Variants in ZNF726 observed in about 807,000 individuals in gnomAD.
ZNF726 encodes the protein zinc finger protein 726, also known as zinc finger protein 92 pseudogene 3.
ZNF726 carries 15 observed loss-of-function variants against 11.6 expected under a neutral mutation model. That is an observed-to-expected ratio of 1.29 (90% CI 0.86 to 1.99). ZNF726 has a LOEUF of 1.99. Among genes scored for constraint, ZNF726 ranks in the 30% most tolerant of loss-of-function variants. ZNF726 has a pLI of 0.00. For missense variants in ZNF726, 890 were observed against 725.6 expected (o/e 1.23, Z -2.60); for synonymous variants, 295 against 243.6 (o/e 1.21, Z -1.96).
At chr19:23,930,205 ATAT>A (rs1288278947) in intron 3 of ZNF726, among the ~76,000 whole-genome samples, 1 of 152,324 alleles carries the variant, frequency 6.6e-6, no homozygotes, top group Admixed American at 6.5e-5. Flanking sequence ...TTTAAATCAA[ATAT>A]TATTGGTTAG....
chr19:23,934,195 A>C lies in ZNF726; in HGVS notation c.*228A>C. The C allele has an allele frequency of 1.3e-6, 1 of 790,614 alleles. No individual in the cohort carries two copies. The highest frequency in any genetic ancestry group is 1.4e-5 in the South Asian group (1 of 70,896). 49.0% of individuals were successfully genotyped at this position (790,614 alleles called of 1,614,324 possible). The stretch of plus-strand genomic sequence containing the variant: ...TCATTCTCAAATCTTACTACACATA[A>C]GATAATTCATACTGGAAATAAACCC... On this transcript the variant is annotated 3_prime_UTR_variant, in exon 4 of 4. Transcript: ENST00000594466.
intron 1 of ZNF726, among the ~76,000 whole-genome samples, chr19:23,917,320 G>A (rs1365448550): frequency 6.6e-6 from 1 of 152,082 alleles, no homozygotes; most frequent in African/African-American, 2.4e-5. Context: ...TATTTACAAA[G>A]GCCATAAAAG....
chr19:23,928,932 G>C (rs1368279977), intron 3 of ZNF726: 1 of 151,974 alleles, frequency 6.6e-6, no homozygotes, highest in Non-Finnish European at 1.5e-5. Flanking sequence ...CAGGTAGCTG[G>C]GTTACAAGTG....
At chr19:23,922,031 C>T (rs936572815) in intron 3 of ZNF726, among the ~76,000 whole-genome samples, 4 of 152,164 alleles carry the variant, frequency 2.6e-5, no homozygotes, top group African/African-American at 9.7e-5. Flanking sequence ...GTTGTACCCC[C>T]AGGGTGATAG....
At chr19:23,927,775 C>T (rs1303053533) in intron 3 of ZNF726, 1 of 152,200 alleles carries the variant, frequency 6.6e-6, no homozygotes, top group African/African-American at 2.4e-5. Flanking sequence ...AGCTACACCA[C>T]CCAGCTGGCA....
Position 23,943,330 on chromosome 19 carries a change from A to G in ZNF726, c.227-164A>G, listed in dbSNP as rs543051136. ...TATTGGATAGCAGAGCTACAGACCCAGAAATGTAAAATATGTTCTAAATAT... is the reference window on the plus strand; with the variant it reads ...TATTGGATAGCAGAGCTACAGACCCGGAAATGTAAAATATGTTCTAAATAT... On this transcript the variant is annotated intron_variant, in intron 3 of 4. Transcript: ENST00000334589. Among the ~76,000 whole-genome samples the G allele has an allele frequency of 2.6e-5, 4 of 152,382 alleles. No homozygotes were observed. In the East Asian group the frequency reaches 7.7e-4, roughly 29 times the overall value.
Position 23,933,479 on chromosome 19 carries a change from T to G in ZNF726, c.1363T>G (p.Cys455Gly), listed in dbSNP as rs767742213. The change falls in exon 4 of 4, where the codon TGT becomes GGT. Residue 455 changes from cysteine (C) to glycine (G), a missense_variant. Transcript: ENST00000594466. Reference protein sequence around the residue: ...KIHTREKPYKCEECSKAFSRS... With the variant: ...KIHTREKPYKGEECSKAFSRS... ...TCATACTAGAGAGAAACCCTACAAA[T>G]GTGAAGAATGTAGTAAAGCATTTAG... 2 of 1,612,120 alleles carry G rather than the reference T, an allele frequency of 1.2e-6. No individual in the cohort carries two copies. Among genetic ancestry groups the G allele is most frequent in the Admixed American group, 1.7e-5 (1 of 59,890 alleles).
At chr19:23,938,580 CGTTT>C (rs1480581433), downstream of ZNF726, among the ~76,000 whole-genome samples, 1 of 146,100 alleles carries the variant, frequency 6.8e-6, no homozygotes, top group Non-Finnish European at 1.5e-5. Context: ...TTTGTTTGTT[CGTTT>C]AATAGTTTTT....
At position 23,932,575 on chromosome 19, in the gene ZNF726, CTTTTATAA is replaced by C; in HGVS notation, c.460_467del (p.Phe154IlefsTer8). On this transcript the variant is annotated frameshift_variant, in exon 4 of 4. Coordinates refer to ENST00000594466, the MANE Select transcript of ZNF726 (RefSeq NM_001244038.2). LOFTEE classifies it low-confidence loss of function (END_TRUNC). ...CTCAATGTGGTAAATATTTGAAAGT[CTTTTATAA>C]ATTTATAAATTTAAACAGATATAAG... The C allele has an allele frequency of 6.4e-7, 1 of 1,566,334 alleles. No homozygotes were observed. The highest frequency in any genetic ancestry group is 8.6e-7 in the Non-Finnish European group (1 of 1,158,024).
At chr19:23,918,997 C>G (rs187861003) in intron 1 of ZNF726, 340 of 193,138 alleles carry the variant, frequency 1.8e-3, no homozygotes, top group Admixed American at 3.0e-3. Context: ...TTGAGTGGTA[C>G]CTTCTAACTC....
chr19:23,915,887 C>G (rs1294172347), intron 1 of ZNF726, among the ~76,000 whole-genome samples: 1 of 152,060 alleles, frequency 6.6e-6, no homozygotes, highest in South Asian at 2.1e-4. Context: ...CGTCCTAGTT[C>G]TTAATTTTTA....
At chr19:23,934,615 AGCT>A (rs1968196661), downstream of ZNF726, 1 of 300,914 alleles carries the variant, frequency 3.3e-6, no homozygotes, top group Non-Finnish European at 6.4e-6. Context: ...TCTCCTCTCC[AGCT>A]CCTCTCTTGT....
At chr19:23,915,509 C>G (rs376033210) in intron 1 of ZNF726, among the ~76,000 whole-genome samples, 1 of 152,154 alleles carries the variant, frequency 6.6e-6, no homozygotes, top group South Asian at 2.1e-4. Flanking sequence ...TAAGTTTCAT[C>G]ATAAAACCAA....
intron 3 of ZNF726, chr19:23,921,291 C>A (rs2094043110): frequency 6.6e-6 from 1 of 151,974 alleles, no homozygotes; most frequent in Admixed American, 6.6e-5. Context: ...GCAAGACTCT[C>A]TCTCGATGTA....
At position 23,922,628 on chromosome 19, in the gene ZNF726, A is replaced by G. The variant is rs1394975836; in HGVS notation, c.226+2546A>G. ...AGTGGTCATGTAGTTTGCAACCTGA[A>G]CGGAGGCCTGCCTTCTAAACAGAAT... On this transcript the variant is annotated intron_variant, in intron 3 of 3. Coordinates refer to ENST00000594466, the MANE Select transcript of ZNF726 (RefSeq NM_001244038.2). Among the ~76,000 whole-genome samples, 3 of 152,336 alleles carry G rather than the reference A, an allele frequency of 2.0e-5. No individual in the cohort carries two copies. The East Asian group carries it at 5.8e-4, about 29-fold the overall frequency.
At chr19:23,923,409 ATTT>A (rs567346496) in intron 3 of ZNF726, 1,353 of 330,504 alleles carry the variant, frequency 4.1e-3, no homozygotes, top group Middle Eastern at 8.1e-3. Context: ...GATGCCAGTA[ATTT>A]TTTTTTTTTT....
At chr19:23,921,014 T>C (rs1967835029) in intron 3 of ZNF726, 1 of 152,158 alleles carries the variant, frequency 6.6e-6, no homozygotes, top group African/African-American at 2.4e-5. Flanking sequence ...AAATATAGTT[T>C]GGGCCATGCG....
chr19:23,942,815 C>T (rs1968359641), intron 3 of ZNF726, among the ~76,000 whole-genome samples: 1 of 152,146 alleles, frequency 6.6e-6, no homozygotes, highest in Non-Finnish European at 1.5e-5. Flanking sequence ...GCATGAAATG[C>T]CTTTTTCCAT....
In ZNF726 at chr19:23,939,862, A is replaced by ATTTTTTTTTTTTTT. The variant is rs374902806; in HGVS notation, c.227-3625_227-3612dup. Among the ~76,000 whole-genome samples, 219 of 87,104 alleles carry ATTTTTTTTTTTTTT rather than the reference A, an allele frequency of 2.5e-3. 11 individuals are homozygous for ATTTTTTTTTTTTTT. Among genetic ancestry groups the ATTTTTTTTTTTTTT allele is most frequent in the Middle Eastern group, 0.02 (2 of 100 alleles). The allele number at this position is 87,104 out of a possible 152,430, so 57.1% of individuals were successfully genotyped here. Reference sequence around the variant, plus strand: ...TGTCTTTGGCCCACTTTTTGATGGGATTTTTTTTTTTTTTTTTTTTCTGAC... The same window carrying ATTTTTTTTTTTTTT: ...TGTCTTTGGCCCACTTTTTGATGGGATTTTTTTTTTTTTTTTTTTTTTTTTTTTTTTTTTCTGAC... On this transcript the variant is annotated intron_variant, in intron 3 of 4. Transcript: ENST00000334589.
Sources: allele counts gnomAD v4.1 joint callset (sites outside exome capture counted in the v4.1 genomes callset), GRCh38; gene constraint gnomAD v4.1.1; transcripts MANE v1.5; gene names NCBI Gene and HGNC (gene_info 2026-07-23, HGNC 2026-07-21).